LITAF: variants seen among roughly 807,000 people sequenced by gnomAD.
The protein encoded by LITAF is lipopolysaccharide induced TNF factor.
In LITAF, 9 loss-of-function variants were observed where a neutral mutation model predicts 14.5. That is an observed-to-expected ratio of 0.62 (90% confidence interval 0.37 to 1.08). The LOEUF (loss-of-function observed/expected upper bound fraction) is 1.08. Among genes scored for constraint, LITAF ranks in the 50% least tolerant of loss-of-function variants. LITAF has a pLI of 0.01. For missense variants in LITAF, 206 were observed against 213.4 expected, an observed-to-expected ratio of 0.97 and a Z score of 0.22; for synonymous variants, 98 against 88.2, an observed-to-expected ratio of 1.11 and a Z score of -0.62.
At chr16:11,551,308 C>T (rs1430509664) in intron 3 of LITAF, among the ~76,000 whole-genome samples, 8 of 152,166 alleles carry the variant, frequency 5.3e-5, no homozygotes, top group Admixed American at 2.0e-4. Context: ...CGGCTCCAGG[C>T]AGCACACACA....
intron 1 of LITAF, among the ~76,000 whole-genome samples, chr16:11,581,788 C>G (rs1430488444): frequency 6.6e-6 from 1 of 152,028 alleles, no homozygotes; most frequent in African/African-American, 2.4e-5. Context: ...AGGAATCTCC[C>G]AAACTCTGCC....
intron 1 of LITAF, among the ~76,000 whole-genome samples, chr16:11,567,158 G>A (rs1268106168): frequency 1.3e-5 from 2 of 152,140 alleles, no homozygotes; most frequent in African/African-American, 2.4e-5. Flanking sequence ...AGTGGCTCAC[G>A]CCTGTAATCC....
intron 1 of LITAF, among the ~76,000 whole-genome samples, chr16:11,597,287 C>T (rs533205542): frequency 4.6e-5 from 7 of 152,146 alleles, no homozygotes; most frequent in Non-Finnish European, 7.3e-5. Flanking sequence ...AGGAAACACA[C>T]GTCTTCATAA....
intron 1 of LITAF, among the ~76,000 whole-genome samples, chr16:11,570,200 G>A (rs2064520543): frequency 6.6e-6 from 1 of 152,124 alleles, no homozygotes; most frequent in African/African-American, 2.4e-5. Context: ...CTGGAAAATG[G>A]GCCAACAGTA....
chr16:11,603,920 G>A (rs1470354840), intron 3 of LITAF, among the ~76,000 whole-genome samples: 10 of 152,120 alleles, frequency 6.6e-5, no homozygotes, highest in South Asian at 2.1e-4. Flanking sequence ...GGTGGCGGGC[G>A]CCTGTAGTCC....
upstream of LITAF, among the ~76,000 whole-genome samples, chr16:11,639,031 T>A (rs147919256): frequency 3.5e-3 from 537 of 152,160 alleles, 4 homozygotes; most frequent in Non-Finnish European, 4.9e-3. Flanking sequence ...GAGTGACGGA[T>A]GCATGGGTGA....
At chr16:11,611,796 G>A (rs1172024038) in intron 3 of LITAF, among the ~76,000 whole-genome samples, 1 of 152,074 alleles carries the variant, frequency 6.6e-6, no homozygotes, top group African/African-American at 2.4e-5. Flanking sequence ...CTGAGTAGCT[G>A]GGATTACAGG....
At chr16:11,615,850 A>G (rs1392936747) in intron 3 of LITAF, among the ~76,000 whole-genome samples, 2 of 152,168 alleles carry the variant, frequency 1.3e-5, no homozygotes, top group Admixed American at 6.5e-5. Context: ...GGATGACTCA[A>G]GATGACTCAG....
chr16:11,638,783 A>G (rs936205021), upstream of LITAF, among the ~76,000 whole-genome samples: 7 of 150,882 alleles, frequency 4.6e-5, no homozygotes, highest in African/African-American at 1.7e-4. Flanking sequence ...TAATGGAGCA[A>G]TTCTCATGTT....
intron 3 of LITAF, among the ~76,000 whole-genome samples, chr16:11,612,069 C>G (rs906382913): frequency 1.3e-5 from 2 of 152,148 alleles, no homozygotes; most frequent in African/African-American, 4.8e-5. Context: ...CCTCGGGGCT[C>G]GGAAATCACC....
upstream of LITAF, among the ~76,000 whole-genome samples, chr16:11,639,392 G>A (rs919425921): frequency 6.6e-6 from 1 of 150,388 alleles, no homozygotes; most frequent in African/African-American, 2.5e-5. Context: ...ATGCATGGGT[G>A]GATAGATGGG....
Position 11,548,251 on chromosome 16 carries a change from C to T in LITAF, c.*1386G>A, listed in dbSNP as rs184312185. On this transcript the variant is annotated 3_prime_UTR_variant, in exon 4 of 4. Transcript: ENST00000622633. ...TATCAAAACGAGGACCCTTGAAGGT[C>T]GAGCCCAGCTTTGTCTTGACTTCAA... 4.0e-5 allele frequency: 18 copies of T among 453,904 alleles called. No homozygotes were observed. The highest frequency in any genetic ancestry group is 6.2e-5 in the Non-Finnish European group (14 of 226,778). The allele number at this position is 453,904 out of a possible 1,614,324, so 28.1% of individuals were successfully genotyped here.
intron 3 of LITAF, among the ~76,000 whole-genome samples, chr16:11,615,147 C>T (rs935962897): frequency 2.0e-5 from 3 of 152,210 alleles, no homozygotes; most frequent in African/African-American, 7.2e-5. Flanking sequence ...TCCCAGGGGA[C>T]AGTGGCTGAG....
chr16:11,637,297 G>A (rs542110867), upstream of LITAF, among the ~76,000 whole-genome samples: 9 of 152,340 alleles, frequency 5.9e-5, no homozygotes, highest in Non-Finnish European at 8.8e-5. Context: ...GGTCAGTGTG[G>A]CTGCCTTGGG....
intron 1 of LITAF, among the ~76,000 whole-genome samples, chr16:11,570,016 C>G (rs1032794151): frequency 1.4e-5 from 2 of 142,458 alleles, no homozygotes; most frequent in Non-Finnish European, 3.0e-5. Flanking sequence ...GGCCACAGAG[C>G]GAGACTTTGC....
At chr16:11,596,359 G>A (rs761095192) in intron 1 of LITAF, among the ~76,000 whole-genome samples, 2 of 151,252 alleles carry the variant, frequency 1.3e-5, no homozygotes, top group Admixed American at 6.6e-5. Flanking sequence ...TGTCCTCTTG[G>A]CCACAGGGAT....
intron 3 of LITAF, among the ~76,000 whole-genome samples, chr16:11,617,154 T>C (rs2065024149): frequency 6.6e-6 from 1 of 151,794 alleles, no homozygotes; most frequent in African/African-American, 2.4e-5. Flanking sequence ...CGGGAGGCAG[T>C]AGTTGCAGTG....
At position 11,632,704 on chromosome 16, in the gene LITAF, G is replaced by A. The variant is rs1286654317; in HGVS notation, c.85+829C>T. Reference sequence around the variant, plus strand: ...AGATGCCACCCAGGCCCTTCTTTCGGTTCTGCAAATGCCACTGGCTCTGCT... The same window carrying A: ...AGATGCCACCCAGGCCCTTCTTTCGATTCTGCAAATGCCACTGGCTCTGCT... On this transcript the variant is annotated intron_variant, in intron 3 of 3. Coordinates refer to the LITAF transcript ENST00000574848. This position sits in a 1 kb window ranked among gnomAD's most constrained non-coding sequence, Gnocchi z 4.8. 6.6e-6 allele frequency among the ~76,000 whole-genome samples: 1 copy of A among 152,180 alleles called. No individual in the cohort carries two copies. Among genetic ancestry groups the A allele is most frequent in the Non-Finnish European group, 1.5e-5 (1 of 68,044 alleles).
intron 3 of LITAF, among the ~76,000 whole-genome samples, chr16:11,611,147 A>C (rs1399073540): frequency 6.6e-6 from 1 of 152,060 alleles, no homozygotes; most frequent in East Asian, 1.9e-4. Context: ...CCAGGAGTTC[A>C]AGACCAGCCT....
Sources: allele counts gnomAD v4.1 joint callset (sites outside exome capture counted in the v4.1 genomes callset), GRCh38; gene constraint gnomAD v4.1.1; non-coding constraint Gnocchi (gnomAD v3.1); transcripts MANE v1.5; gene names NCBI Gene and HGNC (gene_info 2026-07-23, HGNC 2026-07-21).